The following SH3KBP1 variants were observed in gnomAD, a reference collection of about 807,000 sequenced individuals.
The protein encoded by SH3KBP1 is SH3 domain containing kinase binding protein 1, also known as SH3 domain-containing kinase-binding protein 1.
In SH3KBP1, 8 loss-of-function variants were observed where a neutral mutation model predicts 50.1. That is an observed-to-expected ratio of 0.16 (90% CI 0.09 to 0.29). SH3KBP1 has a LOEUF of 0.29. Among genes scored for constraint, SH3KBP1 ranks in the 10% least tolerant of loss-of-function variants. The probability of loss-of-function intolerance (pLI) is 1.00; values close to 1 mark genes in which losing one functional copy is unlikely to be tolerated. For synonymous variants in SH3KBP1, 227 were observed against 218.6 expected (o/e 1.04, Z -0.34); for missense variants, 377 against 535.2 (o/e 0.70, Z 2.92).
At chrX:19,665,789 T>C (rs1177350702) in intron 6 of SH3KBP1, among the ~76,000 whole-genome samples, 3 of 112,007 alleles carry the variant, frequency 2.7e-5, no homozygotes, top group Admixed American at 9.5e-5. Context: ...GTAAGCTGGA[T>C]AGCTTCTTTT....
At chrX:19,624,138 T>C (rs1217874670) in intron 8 of SH3KBP1, among the ~76,000 whole-genome samples, 1 of 111,976 alleles carries the variant, frequency 8.9e-6, no homozygotes, top group Non-Finnish European at 1.9e-5. Context: ...CCCTGTGATT[T>C]AACCTTTATG....
At chrX:19,544,572 T>C (rs1441481198) in intron 15 of SH3KBP1, among the ~76,000 whole-genome samples, 1 of 111,850 alleles carries the variant, frequency 8.9e-6, no homozygotes, top group African/African-American at 3.2e-5. Context: ...CCTTTTCCTG[T>C]TGCCCATCCT....
chrX:19,537,529 T>C (rs763755565), intron 17 of SH3KBP1, among the ~76,000 whole-genome samples, 188 bp downstream of exon 17: 3 of 111,296 alleles, frequency 2.7e-5, no homozygotes, highest in Non-Finnish European at 5.7e-5. Flanking sequence ...TCCTAATGTT[T>C]CCCTTCCCCA....
rs891767480 is a variant in SH3KBP1 at position 19,577,884 on chromosome X, G to A, written c.1299-8696C>T. ...TGGCAGCAACACACCCCTCTCCGCC[G>A]CCACCCCGTGCCCCAGAAAGGAGGT... On this transcript the variant is annotated intron_variant, in intron 12 of 17. Coordinates refer to ENST00000397821, the MANE Select transcript of SH3KBP1 (RefSeq NM_031892.3). Among the ~76,000 whole-genome samples the A allele has an allele frequency of 1.5e-4, 17 of 111,058 alleles. 1 individual carries two copies. The East Asian group carries it at 4.2e-3, about 28-fold the overall frequency.
At chrX:19,565,051 A>ATTTTTTTTTTTTTTTTTTTTT (rs59323105) in intron 13 of SH3KBP1, among the ~76,000 whole-genome samples, 5 of 66,518 alleles carry the variant, frequency 7.5e-5, no homozygotes, top group African/African-American at 3.0e-4. Context: ...TTCAACTCCA[A>ATTTTTTTTTTTTTTTTTTTTT]TTTTTTTTTT....
chrX:19,861,300 C>A (rs1472259007), intron 1 of SH3KBP1, among the ~76,000 whole-genome samples: 2 of 109,634 alleles, frequency 1.8e-5, no homozygotes, highest in Non-Finnish European at 3.8e-5. Flanking sequence ...TGGCATGAAC[C>A]CAGGAGGCAG....
At chrX:19,661,390 A>C (rs1390462177) in intron 6 of SH3KBP1, among the ~76,000 whole-genome samples, 1 of 111,307 alleles carries the variant, frequency 9.0e-6, no homozygotes, top group Non-Finnish European at 1.9e-5. Flanking sequence ...ATATAATGCG[A>C]AGTGGAAAAG....
chrX:19,675,784 G>A (rs1434935234), intron 6 of SH3KBP1, among the ~76,000 whole-genome samples: 2 of 112,050 alleles, frequency 1.8e-5, no homozygotes, highest in Non-Finnish European at 3.8e-5. Flanking sequence ...TAGAAAATAC[G>A]CTAGGCTGAG....
At chrX:19,662,376 A>G (rs182431267) in intron 6 of SH3KBP1, among the ~76,000 whole-genome samples, 115 of 112,123 alleles carry the variant, frequency 1.0e-3, no homozygotes, top group Non-Finnish European at 1.8e-3. Flanking sequence ...TACATCTGTA[A>G]GGGACTGAAA....
Position 19,542,842 on chromosome X carries a change from G to T in SH3KBP1, c.1624-649C>A, listed in dbSNP as rs1037368483. Among the ~76,000 whole-genome samples the T allele has an allele frequency of 2.7e-5, 3 of 111,895 alleles. No homozygotes were observed. The South Asian group carries it at 1.1e-3, about 42-fold the overall frequency. ...AAGTACTGCTAGACCGTCAGAGGGGGCAAGAGAGGGCCTTGGGGGCAGAGC... is the reference window on the plus strand; with the variant it reads ...AAGTACTGCTAGACCGTCAGAGGGGTCAAGAGAGGGCCTTGGGGGCAGAGC... On this transcript the variant is annotated intron_variant, in intron 15 of 17. Transcript: ENST00000397821.
At chrX:19,778,945 A>G (rs1416391366) in intron 2 of SH3KBP1, among the ~76,000 whole-genome samples, 1 of 109,400 alleles carries the variant, frequency 9.1e-6, no homozygotes, top group African/African-American at 3.3e-5. Context: ...ATTGTCATTC[A>G]CTCATTCATT....
Position 19,722,531 on chromosome X carries a change from G to GGTGTGTGTGTGTGTGTGT in SH3KBP1, c.287-15565_287-15548dup, listed in dbSNP as rs59121045. Among the ~76,000 whole-genome samples, 326 of 101,037 alleles carry GGTGTGTGTGTGTGTGTGT rather than the reference G, an allele frequency of 3.2e-3. 3 individuals are homozygous for GGTGTGTGTGTGTGTGTGT. The highest frequency in any genetic ancestry group is 0.012 in the African/African-American group (314 of 26,554). The allele number at this position is 101,037 out of a possible 115,157, so 87.7% of individuals were successfully genotyped here. ...GCTCCCAGCCCTACTCAGCTGCACT[G>GGTGTGTGTGTGTGTGTGT]GTGTGTGTGTGTGTGTGTGTGTGTG... On this transcript the variant is annotated intron_variant, in intron 3 of 17. Transcript: ENST00000397821.
At chrX:19,773,785 G>A (rs778412621) in intron 2 of SH3KBP1, among the ~76,000 whole-genome samples, 5 of 103,021 alleles carry the variant, frequency 4.9e-5, no homozygotes, top group Non-Finnish European at 9.8e-5. Context: ...GAACCCGGGA[G>A]GCGGAGCTTG....
At chrX:19,698,717 C>T (rs758410831) in intron 4 of SH3KBP1, among the ~76,000 whole-genome samples, 1 of 111,537 alleles carries the variant, frequency 9.0e-6, no homozygotes, top group Non-Finnish European at 1.9e-5. Flanking sequence ...GTTTTGGTCT[C>T]GAGACTGAGG....
intron 2 of SH3KBP1, among the ~76,000 whole-genome samples, chrX:19,803,927 CTT>C (rs946142023): frequency 3.6e-5 from 4 of 111,646 alleles, no homozygotes; most frequent in African/African-American, 9.8e-5. Context: ...AATCCCAACA[CTT>C]TGGGAGGCCG....
At chrX:19,829,720 C>CA (rs758791831) in intron 2 of SH3KBP1, among the ~76,000 whole-genome samples, 11,954 of 58,243 alleles carry the variant, frequency 0.21, 935 homozygotes, top group African/African-American at 0.31. Flanking sequence ...CACTCCGTCT[C>CA]AAAAAAAAAA....
At chrX:19,585,368 G>A (rs1044526036) in intron 12 of SH3KBP1, among the ~76,000 whole-genome samples, 4 of 111,745 alleles carry the variant, frequency 3.6e-5, no homozygotes, top group African/African-American at 6.5e-5. Flanking sequence ...CCATATGCTC[G>A]ACACCGTAAG....
chrX:19,571,128 CA>C (rs2065995228), intron 12 of SH3KBP1, among the ~76,000 whole-genome samples: 1 of 112,117 alleles, frequency 8.9e-6, no homozygotes. Flanking sequence ...TACCAGGGAC[CA>C]GGCCTAGGCC....
intron 3 of SH3KBP1, among the ~76,000 whole-genome samples, chrX:19,732,078 G>A (rs1489136985): frequency 1.8e-5 from 2 of 110,888 alleles, no homozygotes; most frequent in Admixed American, 1.9e-4. Flanking sequence ...TTTTTTTTGA[G>A]GTTTGCACAT....
Sources: gnomAD v4.1 joint callset for allele counts (sites outside exome capture counted in the v4.1 genomes callset) on GRCh38, gnomAD v4.1.1 for gene constraint, MANE v1.5 for transcripts, NCBI Gene and HGNC (gene_info 2026-07-23, HGNC 2026-07-21) for gene names.